Variants in NHERF4 observed in about 807,000 individuals in gnomAD.
NHERF4 encodes Na(+)/H(+) exchange regulatory cofactor NHE-RF4.
At chr11:119,188,414 G>A in the NHERF4 span, 1 of 1,614,006 alleles carries the variant, frequency 6.2e-7, no homozygotes, top group Non-Finnish European at 8.5e-7. Flanking sequence ...GATGCAGGCT[G>A]GGGACCGGCT....
chr11:119,185,626 C>G, the NHERF4 span: 1 of 1,012,946 alleles, frequency 9.9e-7, no homozygotes, highest in Non-Finnish European at 1.6e-6. Context: ...AGCCCTGAGG[C>G]AGGTAAACAA....
the NHERF4 span, chr11:119,188,100 T>C: frequency 6.5e-7 from 1 of 1,549,602 alleles, no homozygotes; most frequent in East Asian, 2.4e-5. Context: ...CCCCAGGGTT[T>C]TGGGTTCCTG....
At chr11:119,186,445 C>T in the NHERF4 span, 2 of 1,610,906 alleles carry the variant, frequency 1.2e-6, no homozygotes, top group South Asian at 1.1e-5. This position sits in a 1 kb window ranked among gnomAD's most constrained non-coding sequence, Gnocchi z 4.4. Flanking sequence ...GTGCCCTCTC[C>T]TCCCCCTTTT....
the NHERF4 span, chr11:119,189,394 G>T: frequency 3.8e-6 from 6 of 1,578,310 alleles, no homozygotes; most frequent in Non-Finnish European, 5.2e-6. This position sits in a 1 kb window ranked among gnomAD's most constrained non-coding sequence, Gnocchi z 5.8. Flanking sequence ...CCAGTGCAGG[G>T]CGGGGCAAGA....
chr11:119,189,742 G>A, the NHERF4 span: 1 of 564,198 alleles, frequency 1.8e-6, no homozygotes, highest in South Asian at 2.0e-5. This position sits in a 1 kb window ranked among gnomAD's most constrained non-coding sequence, Gnocchi z 5.8. Flanking sequence ...GTTTTAGAGA[G>A]CTGTGTCCCA....
chr11:119,187,170 A>C, the NHERF4 span: 1 of 997,194 alleles, frequency 1.0e-6, no homozygotes, highest in Non-Finnish European at 1.4e-6. Flanking sequence ...AAAAAGAAAA[A>C]AAGCCGATTC....
At chr11:119,186,418 G>C in the NHERF4 span, 7 of 1,593,622 alleles carry the variant, frequency 4.4e-6, no homozygotes, top group South Asian at 7.7e-5. This position sits in a 1 kb window ranked among gnomAD's most constrained non-coding sequence, Gnocchi z 4.4. Context: ...GGCACACGGC[G>C]AACCTGTACT....
chr11:119,187,623 G>A, the NHERF4 span: 2 of 1,577,362 alleles, frequency 1.3e-6, no homozygotes, highest in Non-Finnish European at 1.7e-6. Context: ...GCGGGCAGGG[G>A]TGCCCCCCGG....
the NHERF4 span, chr11:119,189,013 A>G: frequency 6.2e-7 from 1 of 1,614,110 alleles, no homozygotes; most frequent in Non-Finnish European, 8.5e-7. The surrounding 1 kb of genome is among the most constrained non-coding windows in gnomAD (Gnocchi z 5.8). Flanking sequence ...AGGTGACTCC[A>G]GGAGGCTCAG....
At chr11:119,186,992 A>G in the NHERF4 span, among the ~76,000 whole-genome samples, 1 of 151,962 alleles carries the variant, frequency 6.6e-6, no homozygotes, top group Non-Finnish European at 1.5e-5. The surrounding 1 kb of genome is among the most constrained non-coding windows in gnomAD (Gnocchi z 4.4). Flanking sequence ...TACAGAAATT[A>G]GCTGGGCGTG....
At chr11:119,187,640 G>T in the NHERF4 span, 1 of 1,561,478 alleles carries the variant, frequency 6.4e-7, no homozygotes, top group East Asian at 2.4e-5. Context: ...CCGGGGCCCG[G>T]CTGCTGGAAG....
the NHERF4 span, chr11:119,186,656 AC>A: frequency 9.3e-6 from 15 of 1,610,508 alleles, no homozygotes; most frequent in Non-Finnish European, 1.1e-5. This position sits in a 1 kb window ranked among gnomAD's most constrained non-coding sequence, Gnocchi z 4.4. Flanking sequence ...CTGGCGGTGA[AC>A]AATGATGTTG....
chr11:119,185,512 T>C, the NHERF4 span: 11 of 1,613,654 alleles, frequency 6.8e-6, no homozygotes, highest in Admixed American at 3.3e-5. Context: ...AAGCCGCAGG[T>C]AGGAGGCCAG....
At chr11:119,185,977 AG>A in the NHERF4 span, 1 of 1,614,098 alleles carries the variant, frequency 6.2e-7, no homozygotes, top group Non-Finnish European at 8.5e-7. Context: ...GGTTGGGGCA[AG>A]GGGAGGAAAT....
At chr11:119,188,747 C>G in the NHERF4 span, 1 of 1,614,098 alleles carries the variant, frequency 6.2e-7, no homozygotes, top group African/African-American at 1.3e-5. Flanking sequence ...CACTTGAAGA[C>G]ACAAGCGTGC....
chr11:119,187,891 T>G, the NHERF4 span: 1 of 1,488,836 alleles, frequency 6.7e-7, no homozygotes, highest in Non-Finnish European at 9.0e-7. Context: ...AGCATACCTC[T>G]TCTCTCCCTG....
the NHERF4 span, chr11:119,190,121 C>T: frequency 1.6e-6 from 1 of 610,428 alleles, no homozygotes; most frequent in South Asian, 2.6e-5. The surrounding 1 kb of genome is among the most constrained non-coding windows in gnomAD (Gnocchi z 4.2). Context: ...CAACCCAGAA[C>T]TGAGATGTCT....
the NHERF4 span, chr11:119,186,759 C>A: frequency 1.4e-6 from 2 of 1,415,488 alleles, no homozygotes; most frequent in Admixed American, 2.4e-5. This position sits in a 1 kb window ranked among gnomAD's most constrained non-coding sequence, Gnocchi z 4.4. Context: ...GTCCCCTGGG[C>A]AGTATGGCAG....
At chr11:119,190,179 A>G in the NHERF4 span, 2 of 1,033,754 alleles carry the variant, frequency 1.9e-6, no homozygotes, top group Admixed American at 2.7e-5. This position sits in a 1 kb window ranked among gnomAD's most constrained non-coding sequence, Gnocchi z 4.2. Context: ...ACAAAAAAAG[A>G]AGAAAACTAA....
Sources: gnomAD v4.1 joint callset for allele counts (sites outside exome capture counted in the v4.1 genomes callset) on GRCh38, gnomAD v4.1.1 for gene constraint, Gnocchi (gnomAD v3.1) non-coding constraint, MANE v1.5 for transcripts, NCBI Gene and HGNC (gene_info 2026-07-23, HGNC 2026-07-21) for gene names.